MAPK9: variants seen among roughly 807,000 people sequenced by gnomAD.
The protein encoded by MAPK9 is Jun kinase.
Under a neutral mutation model 57.1 loss-of-function variants are expected in MAPK9, and 30 were observed. The ratio of observed to expected loss-of-function variants is 0.53; its 90% CI spans 0.39 to 0.71. The LOEUF is 0.71. MAPK9 is among the 30% of genes least tolerant of loss of function. The pLI is 0.00. For synonymous variants in MAPK9, 155 were observed against 177.0 expected (o/e 0.88, Z 0.99); for missense variants, 362 against 521.0 (o/e 0.69, Z 2.97).
chr5:180,257,977 T>G (rs550956019), intron 5 of MAPK9: 2 of 154,222 alleles, frequency 1.3e-5, no homozygotes, highest in East Asian at 3.8e-4. Flanking sequence ...GCCATACAAA[T>G]GTAAACAATG....
chr5:180,247,460 CACA>C lies in MAPK9; in HGVS notation c.664_666del (p.Cys222del). On this transcript the variant is annotated inframe_deletion, in exon 7 of 12. Transcript: ENST00000452135. This position sits in a 1 kb window ranked among gnomAD's most constrained non-coding sequence, Gnocchi z 4.5. ...ATACGGTCAGTGCCTTGGAATATCA[CACA>C]ACCTTTCACCAGCTCTCCCATGATG... is the stretch of plus-strand genomic sequence containing the variant. 7 of 1,614,196 alleles carry C rather than the reference CACA, an allele frequency of 4.3e-6. No homozygotes were observed. Among genetic ancestry groups the C allele is most frequent in the Non-Finnish European group, 4.2e-6 (5 of 1,180,044 alleles).
At position 180,292,063 on chromosome 5, in the gene MAPK9, C is replaced by A. The variant is rs1327645789; in HGVS notation, c.-263G>T. ...GTCCCGCTCCCTTCTCCGCCGCTGC[C>A]GCCGCCGCGGCGCCCGGTCTGACAG... is the stretch of plus-strand genomic sequence containing the variant. On this transcript the variant is annotated 5_prime_UTR_variant, in exon 1 of 12. Transcript: ENST00000452135. 2.6e-5 allele frequency: 4 copies of A among 152,434 alleles called. No homozygotes were observed. The highest frequency in any genetic ancestry group is 6.6e-5 in the Admixed American group (1 of 15,158). The allele number at this position is 152,434 out of a possible 1,614,324, so 9.4% of individuals were successfully genotyped here.
chr5:180,278,957 CTTT>C (rs751873959), intron 2 of MAPK9, among the ~76,000 whole-genome samples: 4 of 139,826 alleles, frequency 2.9e-5, no homozygotes, highest in Non-Finnish European at 3.1e-5. Flanking sequence ...AACTTTAAAA[CTTT>C]TTTTTTTTTT....
At chr5:180,278,688 ACT>A (rs1417457642) in intron 2 of MAPK9, among the ~76,000 whole-genome samples, 2 of 151,540 alleles carry the variant, frequency 1.3e-5, no homozygotes, top group East Asian at 1.9e-4. Context: ...ACAAAGTGAG[ACT>A]CTGTCTCAAA....
chr5:180,280,654 T>TA, intron 1 of MAPK9, 46 bp from the exon 2 acceptor site: 1 of 1,475,338 alleles, frequency 6.8e-7, no homozygotes, highest in Non-Finnish European at 9.2e-7. Flanking sequence ...CGGAAGTACA[T>TA]ACGCAGCTCA....
At chr5:180,272,179 C>G (rs1006537736) in intron 2 of MAPK9, among the ~76,000 whole-genome samples, 3 of 152,240 alleles carry the variant, frequency 2.0e-5, no homozygotes, top group Admixed American at 6.5e-5. Flanking sequence ...ACAGTCCCCA[C>G]TGCTTCTTGC....
At chr5:180,242,250 A>G (rs755532361) in intron 8 of MAPK9, among the ~76,000 whole-genome samples, 1 of 152,252 alleles carries the variant, frequency 6.6e-6, no homozygotes, top group Non-Finnish European at 1.5e-5. Context: ...CAACTGTCAC[A>G]TCGCTTCTGA....
At chr5:180,260,932 T>C (rs1352182755) in intron 5 of MAPK9, among the ~76,000 whole-genome samples, 1 of 128,600 alleles carries the variant, frequency 7.8e-6, no homozygotes, top group African/African-American at 3.1e-5. Context: ...GAAGTATTGG[T>C]ATCAAATTGT....
chr5:180,266,553 G>C (rs1184355939), intron 3 of MAPK9, among the ~76,000 whole-genome samples: 1 of 151,952 alleles, frequency 6.6e-6, no homozygotes, highest in Non-Finnish European at 1.5e-5. Context: ...TCATGACTCA[G>C]GTGATCCACC....
intron 5 of MAPK9, among the ~76,000 whole-genome samples, chr5:180,258,541 C>G (rs565085876): frequency 2.0e-5 from 3 of 152,250 alleles, no homozygotes; most frequent in African/African-American, 7.2e-5. Context: ...TCAAAGAACA[C>G]ATATTGGAGA....
At chr5:180,283,195 A>G in intron 1 of MAPK9, among the ~76,000 whole-genome samples, 1 of 152,104 alleles carries the variant, frequency 6.6e-6, no homozygotes, top group Middle Eastern at 3.2e-3. Context: ...ACTAGAGACG[A>G]CGCCTGGCAG....
Position 180,236,686 on chromosome 5 carries a change from T to C in MAPK9, c.1133-160A>G, listed in dbSNP as rs1020986180. Reference sequence around the variant, plus strand: ...GTCAGTCAGCTGGACTTTCTGAACTTTTCCTTGAGTCTTTCTTTGGGCCAA... The same window carrying C: ...GTCAGTCAGCTGGACTTTCTGAACTCTTCCTTGAGTCTTTCTTTGGGCCAA... On this transcript the variant is annotated intron_variant, in intron 11 of 11. Coordinates refer to ENST00000452135, the MANE Select transcript of MAPK9 (RefSeq NM_002752.5). 17 of 603,242 alleles carry C rather than the reference T, an allele frequency of 2.8e-5. No individual in the cohort carries two copies. The East Asian group carries it at 4.9e-4, about 17-fold the overall frequency. The allele number at this position is 603,242 out of a possible 1,614,324, so 37.4% of individuals were successfully genotyped here.
Position 180,251,602 on chromosome 5 carries a change from C to T in MAPK9, c.451-2464G>A, listed in dbSNP as rs34430669. On this transcript the variant is annotated intron_variant, in intron 5 of 11. Transcript: ENST00000452135. ...CCCTGGGACCCTCTCTAGTCACCCCCGAAATACAACCTGAGGCAGCTTCCC... is the reference window on the plus strand; with the variant it reads ...CCCTGGGACCCTCTCTAGTCACCCCTGAAATACAACCTGAGGCAGCTTCCC... Among the ~76,000 whole-genome samples the T allele has an allele frequency of 8.4e-3, 1,273 of 152,254 alleles. 15 individuals carry two copies. The highest frequency in any genetic ancestry group is 0.024 in the Admixed American group (360 of 15,302).
rs1761550987 is a variant in MAPK9 at position 180,273,534 on chromosome 5, G to GT, written c.123-4126dup. Among the ~76,000 whole-genome samples the GT allele has an allele frequency of 2.0e-5, 3 of 152,084 alleles. No homozygotes were observed. In the East Asian group the frequency reaches 5.8e-4, roughly 29 times the overall value. ...GAGCCACCACATCCAGCAGATAAAT[G>GT]TTTTTTTATGTTGTGTTTAAAGGAG... On this transcript the variant is annotated intron_variant, in intron 2 of 11. Transcript: ENST00000452135.
Position 180,242,589 on chromosome 5 carries a change from C to T in MAPK9, c.855G>A (p.Glu285=). The T allele has an allele frequency of 6.2e-7, 1 of 1,612,482 alleles. No individual in the cohort carries two copies. The highest frequency in any genetic ancestry group is 8.5e-7 in the Non-Finnish European group (1 of 1,179,322). ...ATATCTTACTTTTTATTTTGTCTCG[C>T]TCAGATTCTGATGGGAATATCCAAT... ...FPDWIFPSES[E]RDKIKTSQAR... is the part of the protein sequence containing the mutation. Residue 285 remains glutamate (E), a synonymous_variant, in exon 8 of 12, where the codon GAG becomes GAA. Transcript: ENST00000452135.
At chr5:180,289,322 C>G (rs2127636173) in intron 1 of MAPK9, among the ~76,000 whole-genome samples, 1 of 152,096 alleles carries the variant, frequency 6.6e-6, no homozygotes, top group Non-Finnish European at 1.5e-5. Context: ...TCCTGGCACC[C>G]TGAAAATTAA....
At chr5:180,284,375 G>A (rs1314085968) in intron 1 of MAPK9, among the ~76,000 whole-genome samples, 2 of 152,190 alleles carry the variant, frequency 1.3e-5, no homozygotes, top group African/African-American at 4.8e-5. Flanking sequence ...CCGCCAGGCT[G>A]CACTGTCACA....
chr5:180,255,290 C>G (rs1310247418), intron 5 of MAPK9, among the ~76,000 whole-genome samples: 1 of 151,980 alleles, frequency 6.6e-6, no homozygotes, highest in Non-Finnish European at 1.5e-5. Flanking sequence ...AGGGGGTAAT[C>G]TGAGAGACAA....
chr5:180,247,902 A>T lies in MAPK9; in HGVS notation c.617-392T>A. On this transcript the variant is annotated intron_variant, in intron 6 of 11. Transcript: ENST00000452135. The surrounding 1 kb of genome is among the most constrained non-coding windows in gnomAD (Gnocchi z 4.5). ...TTTATGGAGGACCATTTCTGCCATG[A>T]TGCACCCGACAGACCAGATGTCCAC... is the stretch of plus-strand genomic sequence containing the variant. The T allele has an allele frequency of 1.9e-6, 3 of 1,614,122 alleles. No individual in the cohort carries two copies. Among genetic ancestry groups the T allele is most frequent in the Non-Finnish European group, 2.5e-6 (3 of 1,179,998 alleles).
Sources: gnomAD v4.1 joint callset for allele counts (sites outside exome capture counted in the v4.1 genomes callset) on GRCh38, gnomAD v4.1.1 for gene constraint, Gnocchi (gnomAD v3.1) non-coding constraint, MANE v1.5 for transcripts, NCBI Gene and HGNC (gene_info 2026-07-23, HGNC 2026-07-21) for gene names.